Variants in RASEF observed in about 807,000 individuals in gnomAD.
The protein encoded by RASEF is RAS and EF-hand domain containing.
RASEF carries 68 observed loss-of-function variants against 90.1 expected under a neutral mutation model. The observed-to-expected ratio is 0.75, with a 90% CI of 0.62 to 0.92. The LOEUF (loss-of-function observed/expected upper bound fraction) is 0.92. RASEF is among the 40% of genes least tolerant of loss of function. RASEF has a pLI of 0.00. For synonymous variants in RASEF, 331 were observed against 345.2 expected (o/e 0.96, Z 0.46); for missense variants, 949 against 937.2 (o/e 1.01, Z -0.16).
At chr9:83,034,732 G>A (rs1435636461) in intron 1 of RASEF, among the ~76,000 whole-genome samples, 1 of 152,204 alleles carries the variant, frequency 6.6e-6, no homozygotes, top group Non-Finnish European at 1.5e-5. Context: ...TACAGCACAG[G>A]ATAAGTGGAA....
At position 83,062,747 on chromosome 9, in the gene RASEF, G is replaced by A. The variant is rs376339513; in HGVS notation, c.121C>T (p.Arg41Trp). The A allele has an allele frequency of 7.2e-5, 113 of 1,566,962 alleles. 3 individuals are homozygous for A. The South Asian group carries it at 8.0e-4, about 11-fold the overall frequency. ...GCCTCGGCGTCGGCCGGCCGCACCC[G>A]CAGCTCCGTGCACAGTGCCCGGAAC... ...EEFRALCTELRVRPADAEAVF... is the reference protein window; with the variant it reads ...EEFRALCTELWVRPADAEAVF... Residue 41 changes from arginine (R) to tryptophan (W), a missense_variant, in exon 1 of 17, where the codon CGG (arginine) becomes TGG (tryptophan). Arg to Trp is a moderately radical substitution (Grantham distance 101). This residue lies in a region of RASEF where 656 missense variants were observed against 592.2 expected (regional missense o/e 1.11). Transcript: ENST00000376447.
At chr9:83,135,159 TA>T in the RASEF span, among the ~76,000 whole-genome samples, 3 of 152,084 alleles carry the variant, frequency 2.0e-5, no homozygotes, top group African/African-American at 4.8e-5. Context: ...TAAAATTAGA[TA>T]GTGGTGATGG....
At chr9:83,119,982 A>G in the RASEF span, among the ~76,000 whole-genome samples, 1 of 152,248 alleles carries the variant, frequency 6.6e-6, no homozygotes, top group East Asian at 1.9e-4. Flanking sequence ...TTGAAAGAAG[A>G]ACGCGTGCTT....
intron 1 of RASEF, among the ~76,000 whole-genome samples, chr9:83,032,723 C>T (rs1829669295): frequency 6.6e-6 from 1 of 152,120 alleles, no homozygotes; most frequent in African/African-American, 2.4e-5. Flanking sequence ...GAAATAAGAA[C>T]CTTAAATAGC....
intron 2 of RASEF, among the ~76,000 whole-genome samples, chr9:83,025,196 C>T (rs1249446368): frequency 6.6e-6 from 1 of 152,130 alleles, no homozygotes; most frequent in East Asian, 1.9e-4. Flanking sequence ...TTTAATAGTT[C>T]TTTGGCTTTC....
the RASEF span, among the ~76,000 whole-genome samples, chr9:83,131,920 T>C: frequency 6.6e-6 from 1 of 152,254 alleles, no homozygotes; most frequent in East Asian, 1.9e-4. Flanking sequence ...ACTCTGGTAA[T>C]AATGGTCTAA....
chr9:83,075,386 G>A, the RASEF span, among the ~76,000 whole-genome samples: 8 of 152,228 alleles, frequency 5.3e-5, no homozygotes, highest in African/African-American at 1.9e-4. Context: ...AAGCCTCAAA[G>A]TCTTTTTGAA....
the RASEF span, among the ~76,000 whole-genome samples, chr9:83,086,285 T>A: frequency 7.9e-5 from 12 of 152,258 alleles, 1 homozygote; most frequent in Admixed American, 7.2e-4. Context: ...TCATTTTTTT[T>A]ATAAGGAAGC....
chr9:83,022,281 C>T (rs1393733300), intron 3 of RASEF, 55 bp downstream of exon 3: 4 of 1,356,954 alleles, frequency 2.9e-6, no homozygotes, highest in East Asian at 2.3e-5. Flanking sequence ...GGGCCCTCTC[C>T]GTAGAAACCA....
the RASEF span, among the ~76,000 whole-genome samples, chr9:83,179,194 A>G: frequency 6.6e-6 from 1 of 152,188 alleles, no homozygotes; most frequent in Non-Finnish European, 1.5e-5. Flanking sequence ...AAAGCATAAA[A>G]ATAAATTCAT....
the RASEF span, among the ~76,000 whole-genome samples, chr9:83,070,933 T>C: frequency 3.3e-5 from 5 of 152,328 alleles, no homozygotes; most frequent in South Asian, 1.0e-3. Context: ...TACCAGTGTA[T>C]AAAAATTCAG....
the RASEF span, among the ~76,000 whole-genome samples, chr9:83,196,043 C>T: frequency 2.0e-5 from 3 of 151,976 alleles, no homozygotes; most frequent in African/African-American, 7.3e-5. Flanking sequence ...AGAGAAGAAA[C>T]CTCAGATTAC....
At chr9:83,117,854 G>T in the RASEF span, among the ~76,000 whole-genome samples, 1 of 152,226 alleles carries the variant, frequency 6.6e-6, no homozygotes, top group Non-Finnish European at 1.5e-5. Flanking sequence ...AAAGTCTGCA[G>T]TTATTTGTGA....
chr9:83,036,758 T>C (rs1829747536), intron 1 of RASEF, among the ~76,000 whole-genome samples: 1 of 152,200 alleles, frequency 6.6e-6, no homozygotes, highest in Non-Finnish European at 1.5e-5. Flanking sequence ...ATATGGACTT[T>C]AGTTAATAAT....
chr9:83,137,635 G>T, the RASEF span, among the ~76,000 whole-genome samples: 1 of 152,106 alleles, frequency 6.6e-6, no homozygotes, highest in Non-Finnish European at 1.5e-5. Context: ...AGCTAGGTCA[G>T]CTGGGGCAGG....
chr9:83,065,336 T>C (rs115691606), upstream of RASEF, among the ~76,000 whole-genome samples: 1,165 of 152,286 alleles, frequency 7.7e-3, 16 homozygotes, highest in African/African-American at 0.026. Context: ...TCTTGTTGAC[T>C]CAACTGGGGC....
the RASEF span, among the ~76,000 whole-genome samples, chr9:83,191,705 A>G: frequency 6.6e-6 from 1 of 152,310 alleles, no homozygotes; most frequent in Non-Finnish European, 1.5e-5. Flanking sequence ...TTGAGGGATT[A>G]CCAACTTCAA....
chr9:83,152,564 G>A, the RASEF span, among the ~76,000 whole-genome samples: 1 of 152,186 alleles, frequency 6.6e-6, no homozygotes, highest in African/African-American at 2.4e-5. Flanking sequence ...CTTTCTTCAT[G>A]CATGGAACTA....
At chr9:83,096,719 A>G in the RASEF span, among the ~76,000 whole-genome samples, 83,765 of 151,608 alleles carry the variant, frequency 0.55, 23,776 homozygotes, top group East Asian at 0.78. Context: ...CCATGTTGGT[A>G]TGCTGCACCC....
Sources: gnomAD v4.1 joint callset for allele counts (sites outside exome capture counted in the v4.1 genomes callset) on GRCh38, gnomAD v4.1.1 for gene constraint, gnomAD v4.1.1 regional missense constraint, MANE v1.5 for transcripts, NCBI Gene and HGNC (gene_info 2026-07-23, HGNC 2026-07-21) for gene names.